Variants in HDLBP observed in about 807,000 individuals in gnomAD.
The protein encoded by HDLBP is vigilin.
Under a neutral mutation model 137.3 loss-of-function variants are expected in HDLBP, and 30 were observed. The ratio of observed to expected loss-of-function variants is 0.22; its 90% confidence interval spans 0.16 to 0.30. The LOEUF is 0.30. Among genes scored for constraint, HDLBP ranks in the 10% least tolerant of loss-of-function variants. The pLI is 1.00. For missense variants in HDLBP, 1,119 were observed against 1,667.3 expected (o/e 0.67, Z 5.73); for synonymous variants, 606 against 596.0 (o/e 1.02, Z -0.24).
chr2:241,234,988 G>T, intron 23 of HDLBP, 133 bp downstream of exon 23: 1 of 1,042,122 alleles, frequency 9.6e-7, no homozygotes, highest in Non-Finnish European at 1.4e-6. Flanking sequence ...CTGCGTCCTG[G>T]CACTGCCTGC....
chr2:241,233,309 G>A lies in HDLBP; in HGVS notation c.3288+511C>T, dbSNP rs1488635003. Among the ~76,000 whole-genome samples, 1 of 152,168 alleles carries A rather than the reference G, an allele frequency of 6.6e-6. No individual in the cohort carries two copies. Among genetic ancestry groups the A allele is most frequent in the East Asian group, 1.9e-4 (1 of 5,192 alleles). ...GGGGCTGCCTTTCATTTTGTTCTGA[G>A]TGAAGCAGGAGGCCATGAGGGCCAG... On this transcript the variant is annotated intron_variant, in intron 24 of 27. Transcript: ENST00000310931. This position sits in a 1 kb window ranked among gnomAD's most constrained non-coding sequence, Gnocchi z 4.3.
At chr2:241,286,967 CAT>C (rs1180074464) in intron 1 of HDLBP, among the ~76,000 whole-genome samples, 1 of 145,716 alleles carries the variant, frequency 6.9e-6, no homozygotes, top group Non-Finnish European at 1.5e-5. Flanking sequence ...AAAAAGAAAA[CAT>C]GTAGAATCCA....
chr2:241,279,160 GA>G (rs2074507366), intron 1 of HDLBP, among the ~76,000 whole-genome samples: 1 of 152,120 alleles, frequency 6.6e-6, no homozygotes, highest in Admixed American at 6.5e-5. Context: ...TCTAAAGAAA[GA>G]CTTAATCATG....
intron 1 of HDLBP, among the ~76,000 whole-genome samples, chr2:241,293,564 A>G (rs895522755): frequency 1.3e-5 from 2 of 150,742 alleles, no homozygotes; most frequent in Non-Finnish European, 3.0e-5. Flanking sequence ...GTGAGCCATG[A>G]TTGCACCACT....
intron 1 of HDLBP, among the ~76,000 whole-genome samples, chr2:241,284,450 T>C (rs1039938997): frequency 5.3e-5 from 8 of 152,094 alleles, no homozygotes; most frequent in African/African-American, 1.4e-4. Context: ...AGATGAGGAG[T>C]TGCTTCTTAT....
Position 241,236,665 on chromosome 2 carries a change from T to C in HDLBP, c.2854A>G (p.Ile952Val). 1 of 1,614,040 alleles carries C rather than the reference T, an allele frequency of 6.2e-7. No individual in the cohort carries two copies. Among genetic ancestry groups the C allele is most frequent in the Non-Finnish European group, 8.5e-7 (1 of 1,179,990 alleles). The change falls in exon 21 of 28, where the codon ATC becomes GTC. Residue 952 changes from isoleucine to valine, a missense_variant. Around this residue, in one of 4 missense-constraint regions of HDLBP, gnomAD observed 618 missense variants for 816.7 expected, o/e 0.76. Transcript: ENST00000310931. ...PGSPRRCDII[I>V]ISGRKEKCEA... ...CACTTTTCTTTCCGGCCAGAGATGA[T>C]GATGATGTCACACCTCCTTGGAGAG...
intron 1 of HDLBP, among the ~76,000 whole-genome samples, chr2:241,312,525 A>G (rs929496268): frequency 6.6e-6 from 1 of 152,232 alleles, no homozygotes; most frequent in Non-Finnish European, 1.5e-5. Context: ...GACACATTAT[A>G]CTGGTTGGGG....
intron 1 of HDLBP, among the ~76,000 whole-genome samples, chr2:241,311,261 T>C (rs564273246): frequency 3.3e-4 from 50 of 152,318 alleles, no homozygotes; most frequent in Non-Finnish European, 5.3e-4. Flanking sequence ...TCAACAACAC[T>C]GGAAACTTAG....
intron 5 of HDLBP, among the ~76,000 whole-genome samples, chr2:241,258,175 G>C (rs541295314): frequency 1.0e-3 from 151 of 150,932 alleles, no homozygotes; most frequent in African/African-American, 3.5e-3. Flanking sequence ...GAGGTGGGTG[G>C]ATCACGAGGT....
intron 12 of HDLBP, 47 bp from the exon 13 acceptor site, chr2:241,248,395 G>T (rs1202891720): frequency 6.9e-7 from 1 of 1,445,544 alleles, no homozygotes. Context: ...AGCACGGCGA[G>T]CAACTCCCCA....
intron 21 of HDLBP, 49 bp from the exon 22 acceptor site, chr2:241,235,643 G>A: frequency 7.4e-7 from 1 of 1,342,540 alleles, no homozygotes; most frequent in Non-Finnish European, 1.1e-6. Context: ...AGAGCAGAGT[G>A]ACGTTGTAAG....
Position 241,266,873 on chromosome 2 carries a change from T to G in HDLBP, c.-4A>C, listed in dbSNP as rs2073712059. ...TCAAAACTGCAACGGAACTCATGGTTGATCTCACACCTACACACAATCCGG... is the reference window on the plus strand; with the variant it reads ...TCAAAACTGCAACGGAACTCATGGTGGATCTCACACCTACACACAATCCGG... On this transcript the variant is annotated 5_prime_UTR_variant, in exon 3 of 28. Transcript: ENST00000310931. 1 of 1,614,106 alleles carries G rather than the reference T, an allele frequency of 6.2e-7. No individual in the cohort carries two copies. Among genetic ancestry groups the G allele is most frequent in the African/African-American group, 1.3e-5 (1 of 75,062 alleles).
chr2:241,231,790 A>C (rs760583619), intron 24 of HDLBP, among the ~76,000 whole-genome samples: 22 of 152,166 alleles, frequency 1.4e-4, no homozygotes, highest in Admixed American at 9.2e-4. Flanking sequence ...AGTTCAGGGC[A>C]TAGAGAAGGA....
Position 241,230,173 on chromosome 2 carries a change from G to A in HDLBP, c.3571C>T (p.Leu1191Phe), listed in dbSNP as rs373443431. Residue 1191 changes from leucine (L) to phenylalanine (F), a missense_variant, in exon 26 of 28, where the codon CTC becomes TTC. Physicochemically the swap from Leu to Phe is conservative, Grantham distance 22 (BLOSUM62 0). This residue lies in a region of HDLBP where 618 missense variants were observed against 816.7 expected (regional missense o/e 0.76). Coordinates refer to ENST00000310931, the MANE Select transcript of HDLBP (RefSeq NM_005336.6). The surrounding 1 kb of genome is among the most constrained non-coding windows in gnomAD (Gnocchi z 5.0). Reference protein sequence around the residue: ...ENVEEAIDHILNLEEEYLADV... With the variant: ...ENVEEAIDHIFNLEEEYLADV... ...CTCACGTATTCCTCCTCCAGATTGA[G>A]GATGTGGTCGATGGCTTCCTCCACA... is the stretch of plus-strand genomic sequence containing the variant. 3.7e-6 allele frequency: 6 copies of A among 1,613,292 alleles called. No individual in the cohort carries two copies. The highest frequency in any genetic ancestry group is 4.2e-6 in the Non-Finnish European group (5 of 1,179,466).
chr2:241,240,004 A>T lies in HDLBP; in HGVS notation c.2288T>A (p.Phe763Tyr). The change falls in exon 18 of 28, where the codon TTC becomes TAC. Residue 763 changes from phenylalanine (F) to tyrosine (Y), a missense_variant. Phe to Tyr is a conservative substitution (Grantham distance 22). Around this residue, in one of 4 missense-constraint regions of HDLBP, gnomAD observed 618 missense variants for 816.7 expected, o/e 0.76. Coordinates refer to ENST00000310931, the MANE Select transcript of HDLBP (RefSeq NM_005336.6). This position sits in a 1 kb window ranked among gnomAD's most constrained non-coding sequence, Gnocchi z 5.5. ...VRDSTGARVI[F>Y]PAAEDKDQDL... Reference sequence around the variant, plus strand: ...CTGGTCCTTGTCCTCAGCCGCAGGGAAGATGACACGTGCTCCAGTGCTGTC... The same window carrying T: ...CTGGTCCTTGTCCTCAGCCGCAGGGTAGATGACACGTGCTCCAGTGCTGTC... The T allele has an allele frequency of 6.2e-7, 1 of 1,614,164 alleles. No individual in the cohort carries two copies. Among genetic ancestry groups the T allele is most frequent in the Non-Finnish European group, 8.5e-7 (1 of 1,180,016 alleles).
chr2:241,312,359 C>A (rs2075779874), intron 1 of HDLBP, among the ~76,000 whole-genome samples: 1 of 152,204 alleles, frequency 6.6e-6, no homozygotes, highest in Non-Finnish European at 1.5e-5. Context: ...AGGGATTTCA[C>A]TTCTAAAATG....
chr2:241,234,023 T>C lies in HDLBP; in HGVS notation c.3145-60A>G, dbSNP rs2070104190. On this transcript the variant is annotated intron_variant, in intron 23 of 27. Coordinates refer to ENST00000310931, the MANE Select transcript of HDLBP (RefSeq NM_005336.6). The stretch of plus-strand genomic sequence containing the variant: ...TGAGCTGATCCACCCTGTGACTCCA[T>C]TCCCCTTCCACCCTGGTCATAGGAC... 5 of 1,587,818 alleles carry C rather than the reference T, an allele frequency of 3.1e-6. No homozygotes were observed. In the Admixed American group the frequency reaches 8.4e-5, roughly 27 times the overall value.
chr2:241,306,404 C>G (rs1261715908), intron 1 of HDLBP, among the ~76,000 whole-genome samples: 1 of 151,584 alleles, frequency 6.6e-6, no homozygotes, highest in Non-Finnish European at 1.5e-5. Flanking sequence ...GGATTACAGG[C>G]ATGAGCCACC....
rs1248288483 is a variant in HDLBP, at chr2:241,228,412, T to G, written c.*1189A>C. On this transcript the variant is annotated 3_prime_UTR_variant, in exon 28 of 28. Coordinates refer to ENST00000310931, the MANE Select transcript of HDLBP (RefSeq NM_005336.6). ...AGGCCCCATGCCATCGTCTCGGCCC[T>G]AGACCGTGAAAACTGCCAGTCACCC... The G allele has an allele frequency of 6.6e-6, 1 of 152,320 alleles. No individual in the cohort carries two copies. Among genetic ancestry groups the G allele is most frequent in the Non-Finnish European group, 1.5e-5 (1 of 68,148 alleles). The allele number at this position is 152,320 out of a possible 1,614,324, so 9.4% of individuals were successfully genotyped here.
Sources: gnomAD v4.1 joint callset for allele counts (sites outside exome capture counted in the v4.1 genomes callset) on GRCh38, gnomAD v4.1.1 for gene constraint, gnomAD v4.1.1 regional missense constraint, Gnocchi (gnomAD v3.1) non-coding constraint, MANE v1.5 for transcripts, NCBI Gene and HGNC (gene_info 2026-07-23, HGNC 2026-07-21) for gene names.